Variants in PTPRD observed in about 807,000 individuals in gnomAD.
The protein encoded by PTPRD is receptor-type tyrosine-protein phosphatase delta.
PTPRD carries 34 observed loss-of-function variants against 214.5 expected under a neutral mutation model. The ratio of observed to expected loss-of-function variants is 0.16; its 90% CI spans 0.12 to 0.21. The LOEUF (loss-of-function observed/expected upper bound fraction) is 0.21, where lower values mean the gene tolerates loss of function less well. PTPRD is among the 10% of genes least tolerant of loss of function. PTPRD has a pLI of 1.00. For missense variants in PTPRD, 2,545 were observed against 2,398.7 expected (o/e 1.06, Z -1.27); for synonymous variants, 1,128 against 845.7 (o/e 1.33, Z -5.79).
chr9:8,522,382 G>T (rs570736557), intron 19 of PTPRD, among the ~76,000 whole-genome samples: 6 of 152,262 alleles, frequency 3.9e-5, no homozygotes, highest in East Asian at 3.9e-4. Context: ...GGGATGACAG[G>T]GTTGAAAGAC....
At chr9:9,710,578 T>G (rs1351337318) in intron 7 of PTPRD, among the ~76,000 whole-genome samples, 1 of 152,024 alleles carries the variant, frequency 6.6e-6, no homozygotes, top group East Asian at 1.9e-4. Context: ...TCTGACTCCA[T>G]GCAAAGATTT....
chr9:10,228,758 T>A (rs2099597719), intron 3 of PTPRD, among the ~76,000 whole-genome samples: 1 of 149,336 alleles, frequency 6.7e-6, no homozygotes, highest in African/African-American at 2.4e-5. Context: ...TATAACATCA[T>A]TTCATATATG....
At chr9:9,756,488 A>T (rs914382655) in intron 6 of PTPRD, among the ~76,000 whole-genome samples, 10 of 152,148 alleles carry the variant, frequency 6.6e-5, no homozygotes, top group Non-Finnish European at 1.3e-4. Context: ...TTCTATCTAT[A>T]TAGGAATAAG....
intron 10 of PTPRD, among the ~76,000 whole-genome samples, chr9:9,096,595 T>A: frequency 6.6e-6 from 1 of 152,294 alleles, no homozygotes. Flanking sequence ...TTTAAAAATA[T>A]TTTGTCATAA....
chr9:8,791,243 T>C (rs2096220873), intron 11 of PTPRD, among the ~76,000 whole-genome samples: 1 of 152,144 alleles, frequency 6.6e-6, no homozygotes, highest in African/African-American at 2.4e-5. Flanking sequence ...TTTTTCTTTT[T>C]GAGACAGAGT....
intron 3 of PTPRD, among the ~76,000 whole-genome samples, chr9:10,175,468 C>T (rs1345224773): frequency 6.6e-6 from 1 of 151,784 alleles, no homozygotes; most frequent in East Asian, 1.9e-4. Context: ...AATATGGTTA[C>T]CTTAAGATAT....
At chr9:8,806,116 G>C (rs533875788) in intron 11 of PTPRD, among the ~76,000 whole-genome samples, 1 of 151,834 alleles carries the variant, frequency 6.6e-6, no homozygotes, top group African/African-American at 2.4e-5. Flanking sequence ...GTAGAGACGG[G>C]GTTTCATCAT....
chr9:9,191,481 G>A (rs2099935135), intron 9 of PTPRD, among the ~76,000 whole-genome samples: 1 of 152,072 alleles, frequency 6.6e-6, no homozygotes, highest in Non-Finnish European at 1.5e-5. Context: ...CAGAAACTGT[G>A]AGCTAAGAAA....
chr9:9,613,260 C>T (rs972281531), intron 7 of PTPRD, among the ~76,000 whole-genome samples: 7 of 149,346 alleles, frequency 4.7e-5, no homozygotes, highest in Non-Finnish European at 7.4e-5. Flanking sequence ...TAAAACTTTT[C>T]GATTACATTG....
chr9:8,640,368 G>A (rs1216236732), intron 12 of PTPRD, among the ~76,000 whole-genome samples: 4 of 151,886 alleles, frequency 2.6e-5, no homozygotes, highest in Admixed American at 2.6e-4. Context: ...AAAATTTAAA[G>A]AAAAGAAAAA....
chr9:9,762,168 G>C (rs1293587908), intron 6 of PTPRD, among the ~76,000 whole-genome samples: 2 of 152,198 alleles, frequency 1.3e-5, no homozygotes, highest in Non-Finnish European at 2.9e-5. Context: ...AACTGTGGCA[G>C]TAGCCCTGAT....
chr9:9,638,857 C>T (rs891457220), intron 7 of PTPRD, among the ~76,000 whole-genome samples: 1 of 152,092 alleles, frequency 6.6e-6, no homozygotes, highest in African/African-American at 2.4e-5. Flanking sequence ...CGAGATGTTG[C>T]TATGAATGCT....
At chr9:9,663,658 T>A (rs929558907) in intron 7 of PTPRD, among the ~76,000 whole-genome samples, 8 of 151,608 alleles carry the variant, frequency 5.3e-5, no homozygotes, top group African/African-American at 1.4e-4. Context: ...CCGCTTCATA[T>A]CCAAATGATC....
intron 7 of PTPRD, among the ~76,000 whole-genome samples, chr9:9,664,454 C>A (rs1305768340): frequency 1.3e-5 from 2 of 151,730 alleles, no homozygotes; most frequent in Non-Finnish European, 3.0e-5. Context: ...GAAACCAGAT[C>A]TGACATATCT....
At chr9:10,587,961 A>T (rs1302260975) in intron 2 of PTPRD, among the ~76,000 whole-genome samples, 2 of 152,116 alleles carry the variant, frequency 1.3e-5, no homozygotes, top group African/African-American at 4.8e-5. Flanking sequence ...AGTTTACTAG[A>T]TGAAAATACA....
intron 12 of PTPRD, among the ~76,000 whole-genome samples, chr9:8,650,604 T>C (rs1043901496): frequency 1.3e-5 from 2 of 150,704 alleles, no homozygotes; most frequent in African/African-American, 4.9e-5. Flanking sequence ...AAAAATAAAG[T>C]TGACTTGCCT....
At chr9:10,419,590 T>C (rs896983838) in intron 2 of PTPRD, among the ~76,000 whole-genome samples, 26 of 151,960 alleles carry the variant, frequency 1.7e-4, no homozygotes, top group African/African-American at 6.3e-4. Context: ...GATTAAGATA[T>C]ATTATTAATA....
At chr9:8,869,225 T>A (rs990585168) in intron 11 of PTPRD, among the ~76,000 whole-genome samples, 4 of 152,168 alleles carry the variant, frequency 2.6e-5, no homozygotes, top group Non-Finnish European at 4.4e-5. Flanking sequence ...TTGCTTGTAA[T>A]TTTTGGCTTA....
rs1457614793 is a variant in PTPRD, at chr9:10,299,561, T to C, written c.-545+41402A>G. 2.6e-5 allele frequency among the ~76,000 whole-genome samples: 4 copies of C among 152,292 alleles called. No individual in the cohort carries two copies. In the East Asian group the frequency reaches 7.7e-4, roughly 29 times the overall value. On this transcript the variant is annotated intron_variant, in intron 3 of 45. Transcript: ENST00000381196. ...CAAGGTCCTTATAAGGGAAGAATAC[T>C]CACTTCCTGAAGGTAAATTTTACAT...
Sources: gnomAD v4.1 joint callset for allele counts (sites outside exome capture counted in the v4.1 genomes callset) on GRCh38, gnomAD v4.1.1 for gene constraint, MANE v1.5 for transcripts, NCBI Gene and HGNC (gene_info 2026-07-23, HGNC 2026-07-21) for gene names.